The following ITGA9 variants were observed in gnomAD, a reference collection of about 807,000 sequenced individuals.
ITGA9 encodes integrin subunit alpha 9, also known as integrin alpha-9.
In ITGA9, 56 loss-of-function variants were observed where a neutral mutation model predicts 127.8. The observed-to-expected ratio is 0.44, with a 90% CI of 0.35 to 0.55. The LOEUF (loss-of-function observed/expected upper bound fraction) is 0.55, where lower values mean the gene tolerates loss of function less well. Among genes scored for constraint, ITGA9 ranks in the 20% least tolerant of loss-of-function variants. The pLI is 0.00. For synonymous variants in ITGA9, 508 were observed against 514.5 expected (o/e 0.99, Z 0.17); for missense variants, 1,196 against 1,347.1 (o/e 0.89, Z 1.76).
chr3:37,771,409 A>C (rs1303060758), intron 23 of ITGA9, among the ~76,000 whole-genome samples: 1 of 152,218 alleles, frequency 6.6e-6, no homozygotes, highest in Non-Finnish European at 1.5e-5. Context: ...CAGTTCATGA[A>C]GTGAGGAATT....
chr3:37,475,305 C>T (rs944978186), intron 3 of ITGA9, among the ~76,000 whole-genome samples: 10 of 152,374 alleles, frequency 6.6e-5, no homozygotes, highest in Middle Eastern at 3.4e-3. Context: ...GGCAGCATAA[C>T]ACAAGATGCT....
intron 1 of ITGA9, among the ~76,000 whole-genome samples, chr3:37,456,819 G>T (rs1247236376): frequency 6.6e-6 from 1 of 152,226 alleles, no homozygotes; most frequent in East Asian, 1.9e-4. Flanking sequence ...GATAGTTCTG[G>T]TGAGCTGTCT....
intron 13 of ITGA9, among the ~76,000 whole-genome samples, chr3:37,531,515 G>A (rs1035467534): frequency 2.0e-5 from 3 of 152,160 alleles, no homozygotes; most frequent in South Asian, 2.1e-4. Flanking sequence ...CCTGCCTGCC[G>A]CACTGTCTTC....
intron 15 of ITGA9, among the ~76,000 whole-genome samples, chr3:37,581,998 A>G (rs1419098800): frequency 6.6e-6 from 1 of 152,222 alleles, no homozygotes; most frequent in East Asian, 1.9e-4. Context: ...CTTTTTAAAA[A>G]GGAAATCAGT....
intron 26 of ITGA9, among the ~76,000 whole-genome samples, chr3:37,789,192 C>T (rs552152823): frequency 4.5e-4 from 69 of 152,246 alleles, no homozygotes; most frequent in African/African-American, 1.4e-3. Context: ...TTTACTTTCA[C>T]TATCACATAT....
chr3:37,734,289 G>A (rs1278865130), intron 19 of ITGA9, among the ~76,000 whole-genome samples: 2 of 152,244 alleles, frequency 1.3e-5, no homozygotes, highest in Non-Finnish European at 2.9e-5. Context: ...AAAGGAGGAC[G>A]ACCACAATCC....
At chr3:37,745,891 A>G (rs1429554893) in intron 22 of ITGA9, 2 of 152,194 alleles carry the variant, frequency 1.3e-5, no homozygotes, top group Non-Finnish European at 2.9e-5. Flanking sequence ...TGTCCCTTAG[A>G]TAAACTCCTC....
intron 24 of ITGA9, among the ~76,000 whole-genome samples, chr3:37,779,255 C>T (rs1015802398): frequency 7.2e-5 from 11 of 152,128 alleles, no homozygotes; most frequent in Non-Finnish European, 1.5e-4. Flanking sequence ...CAGGCGGCCA[C>T]CACTATGCCT....
intron 18 of ITGA9, among the ~76,000 whole-genome samples, chr3:37,692,002 C>G (rs967680552): frequency 4.6e-5 from 7 of 152,204 alleles, no homozygotes; most frequent in African/African-American, 1.7e-4. Flanking sequence ...GAAAGTGTAG[C>G]TTTGGTGACC....
intron 23 of ITGA9, among the ~76,000 whole-genome samples, chr3:37,758,240 G>A (rs549913642): frequency 4.8e-5 from 7 of 145,452 alleles, no homozygotes; most frequent in African/African-American, 1.3e-4. Context: ...GGAGAATGGC[G>A]TGAACCCGGG....
At chr3:37,633,710 G>GTT (rs1700250105) in intron 16 of ITGA9, among the ~76,000 whole-genome samples, 1 of 152,092 alleles carries the variant, frequency 6.6e-6, no homozygotes, top group South Asian at 2.1e-4. Context: ...AAGCCACTGC[G>GTT]GTATTAACAC....
At chr3:37,526,537 T>C (rs970064560) in intron 13 of ITGA9, among the ~76,000 whole-genome samples, 30 of 152,262 alleles carry the variant, frequency 2.0e-4, no homozygotes, top group African/African-American at 7.2e-4. Flanking sequence ...GGGAGCCTCC[T>C]GCCCGTTAGA....
intron 2 of ITGA9, among the ~76,000 whole-genome samples, 192 bp from the exon 3 acceptor site, chr3:37,473,160 AAG>A (rs1698454194): frequency 6.6e-6 from 1 of 150,528 alleles, no homozygotes; most frequent in Non-Finnish European, 1.5e-5. Flanking sequence ...AAAAAAAAAA[AAG>A]AAAGAAAAAG....
intron 18 of ITGA9, among the ~76,000 whole-genome samples, chr3:37,716,242 C>T (rs1246878889): frequency 6.6e-6 from 1 of 152,148 alleles, no homozygotes; most frequent in Non-Finnish European, 1.5e-5. Context: ...GGTCAATGTG[C>T]ATGGTTGTGC....
At chr3:37,689,807 G>A (rs780983837) in intron 18 of ITGA9, among the ~76,000 whole-genome samples, 1 of 152,186 alleles carries the variant, frequency 6.6e-6, no homozygotes, top group Non-Finnish European at 1.5e-5. Context: ...AAGGACTTTG[G>A]CTCTTCTTGC....
intron 17 of ITGA9, among the ~76,000 whole-genome samples, chr3:37,663,869 C>A (rs1394068221): frequency 1.3e-5 from 2 of 152,154 alleles, no homozygotes; most frequent in Non-Finnish European, 2.9e-5. Flanking sequence ...AACAGCAGCA[C>A]CTTATAAGGT....
At chr3:37,512,068 CTTTCT>C in intron 8 of ITGA9, among the ~76,000 whole-genome samples, 5 of 60,598 alleles carry the variant, frequency 8.3e-5, no homozygotes, top group African/African-American at 2.3e-4. Flanking sequence ...TTCTTTCTTT[CTTTCT>C]TTCCTTCCTT....
At chr3:37,783,791 C>G (rs1697006653) in intron 25 of ITGA9, among the ~76,000 whole-genome samples, 1 of 152,172 alleles carries the variant, frequency 6.6e-6, no homozygotes, top group African/African-American at 2.4e-5. Flanking sequence ...TTTTGAATGA[C>G]AAGCTTCCCA....
intron 15 of ITGA9, among the ~76,000 whole-genome samples, chr3:37,549,362 A>G (rs973686945): frequency 2.0e-5 from 3 of 152,254 alleles, no homozygotes; most frequent in Non-Finnish European, 4.4e-5. Context: ...TGCCCGCCTT[A>G]AGTCCTTTTT....
Sources: gnomAD v4.1 joint callset for allele counts (sites outside exome capture counted in the v4.1 genomes callset) on GRCh38, gnomAD v4.1.1 for gene constraint, MANE v1.5 for transcripts, NCBI Gene and HGNC (gene_info 2026-07-23, HGNC 2026-07-21) for gene names.